Variants in SLC26A5 observed in about 807,000 individuals in gnomAD.
SLC26A5 encodes the protein solute carrier family 26 member 5, also known as prestin.
In SLC26A5, 51 loss-of-function variants were observed where a neutral mutation model predicts 81.0. That is an observed-to-expected ratio of 0.63 (90% CI 0.50 to 0.80). SLC26A5 has a LOEUF of 0.80. Ranked by LOEUF, SLC26A5 falls within the 30% of genes least tolerant of loss-of-function variation. The pLI is 0.00. For missense variants in SLC26A5, 771 were observed against 905.8 expected (o/e 0.85, Z 1.91); for synonymous variants, 325 against 332.8 (o/e 0.98, Z 0.25).
downstream of SLC26A5, among the ~76,000 whole-genome samples, chr7:103,372,701 T>C (rs768085069): frequency 7.2e-5 from 11 of 152,198 alleles, no homozygotes; most frequent in Non-Finnish European, 1.6e-4. Flanking sequence ...TGGGGGTTAG[T>C]TTTCTTAAAA....
chr7:103,397,884 A>G (rs1823270533), intron 9 of SLC26A5, 48 bp downstream of exon 9: 1 of 1,332,580 alleles, frequency 7.5e-7, no homozygotes, highest in Admixed American at 1.7e-5. Flanking sequence ...GAGGCAATAG[A>G]TCCATTGATT....
chr7:103,380,699 C>T, intron 14 of SLC26A5, 150 bp from the exon 15 acceptor site: 1 of 709,996 alleles, frequency 1.4e-6, no homozygotes. Flanking sequence ...GGGCTCCACA[C>T]ATATCACGTT....
At chr7:103,406,617 T>C (rs1824075943) in intron 8 of SLC26A5, among the ~76,000 whole-genome samples, 1 of 151,102 alleles carries the variant, frequency 6.6e-6, no homozygotes, top group Non-Finnish European at 1.5e-5. Context: ...ACCAGAGCTG[T>C]TCCTATTCGG....
intron 2 of SLC26A5, among the ~76,000 whole-genome samples, chr7:103,436,839 C>G (rs1308226596): frequency 6.6e-6 from 1 of 152,116 alleles, no homozygotes; most frequent in Non-Finnish European, 1.5e-5. Flanking sequence ...AACTGTAAAT[C>G]TACTAAAAGA....
chr7:103,386,383 C>T (rs1822196337), intron 14 of SLC26A5, among the ~76,000 whole-genome samples: 1 of 151,908 alleles, frequency 6.6e-6, no homozygotes, highest in South Asian at 2.1e-4. Flanking sequence ...CTGGCTGACA[C>T]GATGAAACTC....
At chr7:103,368,156 T>C in intron 19 of SLC26A5, 1 of 1,051,884 alleles carries the variant, frequency 9.5e-7, no homozygotes, top group Non-Finnish European at 1.3e-6. Context: ...CAAAATTGTA[T>C]GCTTTTTTCC....
chr7:103,445,611 T>TGC (rs1266777414), intron 1 of SLC26A5: 1 of 152,228 alleles, frequency 6.6e-6, no homozygotes, highest in African/African-American at 2.4e-5. Context: ...ACCACAGCCT[T>TGC]GCTCCCTGGG....
At chr7:103,405,720 G>C (rs1485981500) in intron 8 of SLC26A5, among the ~76,000 whole-genome samples, 1 of 152,186 alleles carries the variant, frequency 6.6e-6, no homozygotes, top group Non-Finnish European at 1.5e-5. Flanking sequence ...TAGGAGATCT[G>C]GTGCTCTCTT....
chr7:103,405,764 G>A (rs1364313076), intron 8 of SLC26A5, among the ~76,000 whole-genome samples: 2 of 152,246 alleles, frequency 1.3e-5, no homozygotes, highest in Non-Finnish European at 2.9e-5. Flanking sequence ...TAAGTTTGCT[G>A]AAGCTGCGCC....
intron 14 of SLC26A5, among the ~76,000 whole-genome samples, chr7:103,387,464 G>C (rs1293483781): frequency 6.6e-6 from 1 of 152,210 alleles, no homozygotes; most frequent in South Asian, 2.1e-4. Flanking sequence ...GTTAGAGCGG[G>C]AAGGGCACTG....
At chr7:103,403,039 T>C (rs547388192) in intron 8 of SLC26A5, among the ~76,000 whole-genome samples, 271 of 152,294 alleles carry the variant, frequency 1.8e-3, no homozygotes, top group African/African-American at 6.4e-3. Context: ...CTAAACACTG[T>C]TTTAGCTGTG....
chr7:103,361,210 G>A (rs1025876295), intron 19 of SLC26A5, among the ~76,000 whole-genome samples: 3 of 151,878 alleles, frequency 2.0e-5, no homozygotes, highest in African/African-American at 7.3e-5. Context: ...AAGTCCGGGT[G>A]TGGTGGCTCA....
intron 10 of SLC26A5, among the ~76,000 whole-genome samples, chr7:103,392,242 A>G (rs376742376): frequency 1.3e-5 from 2 of 152,330 alleles, no homozygotes; most frequent in African/African-American, 2.4e-5. Context: ...CTTAGAATAC[A>G]TAAGGATTGA....
chr7:103,425,392 C>T lies in SLC26A5; in HGVS notation c.-53-3825G>A, dbSNP rs192029065. Among the ~76,000 whole-genome samples, 398 of 152,286 alleles carry T rather than the reference C, an allele frequency of 2.6e-3. 5 individuals carry two copies. Among genetic ancestry groups the T allele is most frequent in the South Asian group, 0.021 (101 of 4,826 alleles). ...TAGAGCACAGCCTCCAGGAGGCAGG[C>T]TTGGGCATTTCTTTATAGCATCCTA... On this transcript the variant is annotated intron_variant, in intron 2 of 19. Coordinates refer to ENST00000306312, the MANE Select transcript of SLC26A5 (RefSeq NM_198999.3).
chr7:103,407,971 GTTT>G lies in SLC26A5; in HGVS notation c.765_767del (p.Lys255del). ...CGACGCCTAGGGAACACACGTTGAGGTTTTTAACATTCTGCAACACAGCAACTG... is the reference window on the plus strand; with the variant it reads ...CGACGCCTAGGGAACACACGTTGAGGTTAACATTCTGCAACACAGCAACTG... On this transcript the variant is annotated inframe_deletion, in exon 8 of 20. Coordinates refer to ENST00000306312, the MANE Select transcript of SLC26A5 (RefSeq NM_198999.3). 6.2e-7 allele frequency: 1 copy of G among 1,614,130 alleles called. No homozygotes were observed. The highest frequency in any genetic ancestry group is 8.5e-7 in the Non-Finnish European group (1 of 1,180,016).
At chr7:103,381,024 GCA>G (rs1821738684) in intron 14 of SLC26A5, among the ~76,000 whole-genome samples, 1 of 146,908 alleles carries the variant, frequency 6.8e-6, no homozygotes, top group Non-Finnish European at 1.5e-5. Flanking sequence ...CACACACAAT[GCA>G]CACACACCAT....
intron 11 of SLC26A5, 113 bp downstream of exon 11, chr7:103,391,509 G>C: frequency 1.2e-6 from 1 of 822,438 alleles, no homozygotes. Context: ...CAGCTCACTG[G>C]AGCATGGATC....
chr7:103,421,517 T>C lies in SLC26A5; in HGVS notation c.-3A>G, dbSNP rs1248292685. 4 of 1,613,862 alleles carry C rather than the reference T, an allele frequency of 2.5e-6. No individual in the cohort carries two copies. The highest frequency in any genetic ancestry group is 3.4e-6 in the Non-Finnish European group (4 of 1,179,898). On this transcript the variant is annotated 5_prime_UTR_variant, in exon 3 of 20. Transcript: ENST00000306312. ...TCATTTTCTTCAGCATGATCCATAG[T>C]ACTCTGAAATTATTCCTTAACAGCC... is the stretch of plus-strand genomic sequence containing the variant.
intron 8 of SLC26A5, among the ~76,000 whole-genome samples, chr7:103,400,447 C>T (rs948430801): frequency 2.0e-5 from 3 of 152,028 alleles, no homozygotes; most frequent in Non-Finnish European, 4.4e-5. Context: ...GTTTAAGTTC[C>T]TTGTAGATTC....
Sources: gnomAD v4.1 joint callset for allele counts (sites outside exome capture counted in the v4.1 genomes callset) on GRCh38, gnomAD v4.1.1 for gene constraint, MANE v1.5 for transcripts, NCBI Gene and HGNC (gene_info 2026-07-23, HGNC 2026-07-21) for gene names.